The following ABCC9 variants were observed in gnomAD, a reference collection of about 807,000 sequenced individuals.
ABCC9 encodes the protein ATP binding cassette subfamily C member 9.
ABCC9 carries 95 observed loss-of-function variants against 188.3 expected under a neutral mutation model. The observed-to-expected ratio is 0.50, with a 90% confidence interval of 0.43 to 0.60. ABCC9 has a LOEUF of 0.60. Among genes scored for constraint, ABCC9 ranks in the 20% least tolerant of loss-of-function variants. The pLI is 0.00. For synonymous variants in ABCC9, 659 were observed against 652.7 expected, an observed-to-expected ratio of 1.01 and a Z score of -0.15; for missense variants, 1,102 against 1,876.3, an observed-to-expected ratio of 0.59 and a Z score of 7.62.
intron 14 of ABCC9, among the ~76,000 whole-genome samples, chr12:21,892,934 A>G (rs947803594): frequency 3.9e-5 from 6 of 152,170 alleles, no homozygotes; most frequent in African/African-American, 1.4e-4. Context: ...ATATATTTAA[A>G]GGCTCAATTT....
chr12:21,929,269 A>G (rs1949178882), intron 4 of ABCC9, among the ~76,000 whole-genome samples: 1 of 151,984 alleles, frequency 6.6e-6, no homozygotes. Flanking sequence ...AATGCTAATA[A>G]ACCACAAAGA....
intron 11 of ABCC9, among the ~76,000 whole-genome samples, chr12:21,907,611 G>A (rs1036515822): frequency 6.6e-6 from 1 of 152,006 alleles, no homozygotes; most frequent in Admixed American, 6.6e-5. Context: ...TATTCAGCAA[G>A]AGCAGCTGCC....
intron 24 of ABCC9, among the ~76,000 whole-genome samples, chr12:21,850,699 C>T (rs1592066743): frequency 6.6e-6 from 1 of 152,174 alleles, no homozygotes; most frequent in East Asian, 1.9e-4. Context: ...CAAAGTAAAC[C>T]ATAAATTGTC....
chr12:21,871,212 G>T (rs1360006800), intron 18 of ABCC9, among the ~76,000 whole-genome samples: 1 of 152,142 alleles, frequency 6.6e-6, no homozygotes, highest in Non-Finnish European at 1.5e-5. Flanking sequence ...AGTGACAGTG[G>T]CTAGGGGAAC....
Position 21,925,674 on chromosome 12 carries a change from T to C in ABCC9, c.406+268A>G, listed in dbSNP as rs181106461. 12 of 629,152 alleles carry C rather than the reference T, an allele frequency of 1.9e-5. No homozygotes were observed. The East Asian group carries it at 3.3e-4, about 17-fold the overall frequency. 39.0% of individuals were successfully genotyped at this position (629,152 alleles called of 1,614,324 possible). A position where few individuals can be genotyped will look rare whatever the true frequency, so the allele number is the denominator to read the frequency against. ...AAGGCCAGCCATATTTCCTCCACTT[T>C]CTTCCCCCACCCCCCTACACCACAG... On this transcript the variant is annotated intron_variant, in intron 5 of 39. Transcript: ENST00000261200.
intron 39 of ABCC9, chr12:21,805,246 C>T: frequency 6.2e-7 from 1 of 1,613,930 alleles, no homozygotes; most frequent in Non-Finnish European, 8.5e-7. Flanking sequence ...CAGTATCACA[C>T]TCCACTAAAA....
At chr12:21,842,616 A>G in intron 28 of ABCC9, 145 bp from the exon 29 acceptor site, 3 of 798,294 alleles carry the variant, frequency 3.8e-6, no homozygotes, top group Admixed American at 2.0e-5. Context: ...GCAATTCTTC[A>G]CTCACTTCCC....
In ABCC9 at chr12:21,797,823, A is replaced by G. The variant is rs1227130166; in HGVS notation, c.*3221T>C. On this transcript the variant is annotated 3_prime_UTR_variant, in exon 40 of 40. Coordinates refer to ENST00000261200, the MANE Select transcript of ABCC9 (RefSeq NM_020297.4). ...ACATAAGTAACCCTGGTATTTTAAT[A>G]TAATGCTTTATGCATTTATTGCTTC... 6.6e-6 allele frequency: 1 copy of G among 152,216 alleles called. No homozygotes were observed. Among genetic ancestry groups the G allele is most frequent in the Non-Finnish European group, 1.5e-5 (1 of 68,024 alleles). 9.4% of individuals were successfully genotyped at this position (152,216 alleles called of 1,614,324 possible).
At chr12:21,828,897 C>G in intron 31 of ABCC9, 61 bp downstream of exon 31, 2 of 1,359,692 alleles carry the variant, frequency 1.5e-6, no homozygotes, top group Non-Finnish European at 1.1e-6. Context: ...AACTGTCTGC[C>G]TCTTTGCAGC....
intron 30 of ABCC9, among the ~76,000 whole-genome samples, chr12:21,832,910 G>T (rs773067090): frequency 6.6e-6 from 1 of 152,054 alleles, no homozygotes; most frequent in Non-Finnish European, 1.5e-5. Flanking sequence ...AAGAAAATGT[G>T]GTATATATAC....
intron 27 of ABCC9, 28 bp from the exon 28 acceptor site, chr12:21,844,580 G>A: frequency 1.2e-6 from 2 of 1,604,158 alleles, no homozygotes; most frequent in Non-Finnish European, 1.7e-6. Context: ...GGAAGTATAT[G>A]ATAATACTAA....
chr12:21,818,472 ATATCTATATC>A (rs1197046342), intron 31 of ABCC9, among the ~76,000 whole-genome samples: 111 of 146,570 alleles, frequency 7.6e-4, no homozygotes, highest in African/African-American at 2.7e-3. Flanking sequence ...ATCTATATCT[ATATCTATATC>A]TATCTATATA....
At chr12:21,887,986 A>G in intron 14 of ABCC9, 52 bp from the exon 15 acceptor site, 1 of 1,314,114 alleles carries the variant, frequency 7.6e-7, no homozygotes, top group Non-Finnish European at 1.1e-6. Flanking sequence ...ACCACCACCA[A>G]CAAAGTGCTA....
chr12:21,927,197 A>T (rs1026640716), intron 4 of ABCC9, among the ~76,000 whole-genome samples: 2 of 152,252 alleles, frequency 1.3e-5, no homozygotes, highest in African/African-American at 4.8e-5. Flanking sequence ...CAGAAAGTTT[A>T]AGATAGAATG....
At chr12:21,845,980 C>T (rs1434721627) in intron 25 of ABCC9, 148 bp from the exon 26 acceptor site, 3 of 673,084 alleles carry the variant, frequency 4.5e-6, no homozygotes, top group Non-Finnish European at 7.7e-6. Flanking sequence ...GTAGGGCAAA[C>T]CTTATTTCTT....
At chr12:21,896,079 C>CT (rs5796933) in intron 12 of ABCC9, among the ~76,000 whole-genome samples, 2,153 of 127,952 alleles carry the variant, frequency 0.017, 88 homozygotes, top group East Asian at 0.16. Flanking sequence ...ATCTAATTTT[C>CT]TTTTTTTTTT....
intron 28 of ABCC9, among the ~76,000 whole-genome samples, chr12:21,842,982 C>A (rs1197093087): frequency 6.6e-6 from 1 of 151,880 alleles, no homozygotes; most frequent in Non-Finnish European, 1.5e-5. Flanking sequence ...AAAATATTTG[C>A]AAATTTTTGT....
chr12:21,806,063 GC>G lies in ABCC9; in HGVS notation c.4450-4del. On this transcript the variant is annotated splice_region_variant and splice_polypyrimidine_tract_variant and intron_variant, in intron 38 of 39. Coordinates refer to ENST00000261200, the MANE Select transcript of ABCC9 (RefSeq NM_020297.4). ...ACTACTTTTTGCAAAATATTCTCCT[GC>G]AAAAAAAAAAAAGTGTAAATTTTCT... The G allele has an allele frequency of 6.2e-7, 1 of 1,601,372 alleles. No homozygotes were observed. The highest frequency in any genetic ancestry group is 1.7e-5 in the Admixed American group (1 of 58,338).
chr12:21,913,199 G>A (rs530758109), intron 7 of ABCC9, 133 bp from the exon 8 acceptor site: 7 of 767,156 alleles, frequency 9.1e-6, no homozygotes, highest in Non-Finnish European at 1.2e-5. Context: ...TGATGTTAAT[G>A]TGTGCCTTTC....
Sources: allele counts gnomAD v4.1 joint callset (sites outside exome capture counted in the v4.1 genomes callset), GRCh38; gene constraint gnomAD v4.1.1; transcripts MANE v1.5; gene names NCBI Gene and HGNC (gene_info 2026-07-23, HGNC 2026-07-21).